Variants in SLC7A14 observed in about 807,000 individuals in gnomAD.
The protein encoded by SLC7A14 is gamma-aminobutyric acid transporter SLC7A14.
A neutral mutation model predicts 60.2 loss-of-function variants in SLC7A14; 37 were observed. The ratio of observed to expected loss-of-function variants is 0.61; its 90% CI spans 0.47 to 0.81. The LOEUF is 0.81. SLC7A14 is among the 30% of genes least tolerant of loss of function. The pLI is 0.00. For missense variants in SLC7A14, 886 were observed against 982.7 expected, an observed-to-expected ratio of 0.90 and a Z score of 1.32; for synonymous variants, 399 against 395.8, an observed-to-expected ratio of 1.01 and a Z score of -0.10.
intron 1 of SLC7A14, among the ~76,000 whole-genome samples, chr3:170,551,106 T>A (rs1714337084): frequency 6.6e-6 from 1 of 152,208 alleles, no homozygotes; most frequent in Non-Finnish European, 1.5e-5. Flanking sequence ...CTTTATGGAT[T>A]TGCCTATGTT....
chr3:170,475,933 G>A lies in SLC7A14; in HGVS notation c.1993+4356C>T, dbSNP rs1270590061. Among the ~76,000 whole-genome samples, 6 of 151,972 alleles carry A rather than the reference G, an allele frequency of 3.9e-5. No individual in the cohort carries two copies. In the East Asian group the frequency reaches 9.6e-4, roughly 24 times the overall value. ...TCACCATGTTGGCCAGGCTGGTCTC[G>A]AATTCCTGACCTCAGGTGATCTGCC... On this transcript the variant is annotated intron_variant, in intron 7 of 7. Transcript: ENST00000231706.
chr3:170,556,856 A>G (rs1714497799), intron 1 of SLC7A14, among the ~76,000 whole-genome samples: 1 of 152,238 alleles, frequency 6.6e-6, no homozygotes, highest in Non-Finnish European at 1.5e-5. Flanking sequence ...TTTCATGTGA[A>G]TTATTTCAAG....
chr3:170,485,405 C>T (rs762906213), intron 5 of SLC7A14, among the ~76,000 whole-genome samples: 2 of 152,182 alleles, frequency 1.3e-5, no homozygotes, highest in African/African-American at 4.8e-5. Context: ...ACTGCCAGCT[C>T]TTTCCTAATT....
intron 7 of SLC7A14, among the ~76,000 whole-genome samples, chr3:170,476,020 C>G (rs1444755636): frequency 6.6e-6 from 1 of 152,164 alleles, no homozygotes; most frequent in Non-Finnish European, 1.5e-5. Flanking sequence ...GCCTCAAAAT[C>G]ACATTTCTAA....
In SLC7A14 at chr3:170,480,797, G is replaced by A. The variant is rs1301447398; in HGVS notation, c.1485C>T (p.Leu495=). Residue 495 remains leucine, a synonymous_variant, in exon 7 of 8, where the codon CTC becomes CTT. Transcript: ENST00000231706. The part of the protein sequence containing the change: ...NLPSLGDNEM[L]IGKSDKSTYN... Reference sequence around the variant, plus strand: ...AGGTTGACTTGTCTGATTTCCCTATGAGCATCTCATTGTCTCCCAAGGATG... The same window carrying A: ...AGGTTGACTTGTCTGATTTCCCTATAAGCATCTCATTGTCTCCCAAGGATG... The A allele has an allele frequency of 1.2e-6, 2 of 1,614,204 alleles. No individual in the cohort carries two copies. The highest frequency in any genetic ancestry group is 2.2e-5 in the South Asian group (2 of 91,082).
chr3:170,542,233 G>A (rs1477770294), intron 1 of SLC7A14, among the ~76,000 whole-genome samples: 2 of 152,194 alleles, frequency 1.3e-5, no homozygotes, highest in African/African-American at 4.8e-5. Flanking sequence ...ATCTGCCCCT[G>A]AAGCAAAGAC....
At chr3:170,501,842 T>G (rs1712618728) in intron 2 of SLC7A14, among the ~76,000 whole-genome samples, 1 of 152,244 alleles carries the variant, frequency 6.6e-6, no homozygotes, top group African/African-American at 2.4e-5. Context: ...CAAATATAAA[T>G]AAATTACTAA....
At chr3:170,539,352 G>T (rs1022836676) in intron 1 of SLC7A14, among the ~76,000 whole-genome samples, 1 of 151,880 alleles carries the variant, frequency 6.6e-6, no homozygotes, top group Admixed American at 6.6e-5. Flanking sequence ...AGGTCCTCCT[G>T]GGCCACCTGA....
In SLC7A14 at chr3:170,469,386, A is replaced by G. The variant is rs564764303; in HGVS notation, c.1994-2009T>C. On this transcript the variant is annotated intron_variant, in intron 7 of 7. Coordinates refer to ENST00000231706, the MANE Select transcript of SLC7A14 (RefSeq NM_020949.3). ...CAGGAGCCAAAGTAAGCACAGATTT[A>G]TAGTCCTAATTGGTAATAAATCCTA... Among the ~76,000 whole-genome samples the G allele has an allele frequency of 3.9e-5, 6 of 152,330 alleles. No homozygotes were observed. In the South Asian group the frequency reaches 1.0e-3, roughly 26 times the overall value.
At chr3:170,499,711 C>T (rs1015627472) in intron 3 of SLC7A14, among the ~76,000 whole-genome samples, 8 of 152,126 alleles carry the variant, frequency 5.3e-5, no homozygotes, top group African/African-American at 1.7e-4. Flanking sequence ...CCAGTGAACA[C>T]GCCCTGCCTG....
intron 2 of SLC7A14, among the ~76,000 whole-genome samples, chr3:170,508,280 G>A: frequency 6.6e-6 from 1 of 152,200 alleles, no homozygotes; most frequent in Non-Finnish European, 1.5e-5. Context: ...AATTATGAGA[G>A]GGAGTGGAGG....
At chr3:170,496,437 G>T (rs1185535841) in intron 4 of SLC7A14, 14 of 1,260,128 alleles carry the variant, frequency 1.1e-5, no homozygotes, top group Non-Finnish European at 1.5e-5. Flanking sequence ...GGCCCCCATC[G>T]CAGATACCGA....
At chr3:170,482,641 G>A (rs901570213) in intron 6 of SLC7A14, among the ~76,000 whole-genome samples, 4 of 152,244 alleles carry the variant, frequency 2.6e-5, no homozygotes, top group African/African-American at 9.6e-5. Flanking sequence ...CAATATATTG[G>A]TGTGGTTAAA....
At chr3:170,475,342 A>C (rs1035008032) in intron 7 of SLC7A14, among the ~76,000 whole-genome samples, 1 of 152,204 alleles carries the variant, frequency 6.6e-6, no homozygotes, top group Admixed American at 6.5e-5. Context: ...AATCATGTAA[A>C]TCTTCAGTTT....
rs571918196 is a variant in SLC7A14 at position 170,474,653 on chromosome 3, C to T, written c.1993+5636G>A. Among the ~76,000 whole-genome samples the T allele has an allele frequency of 2.0e-5, 3 of 152,276 alleles. No individual in the cohort carries two copies. In the East Asian group the frequency reaches 5.8e-4, roughly 29 times the overall value. ...TCCCAATTCATTGCTCTTTCTTTCC[C>T]TCTTCTTCTTTTTCTCACCTGGCTG... On this transcript the variant is annotated intron_variant, in intron 7 of 7. Transcript: ENST00000231706.
chr3:170,467,468 A>AATGGG, intron 7 of SLC7A14, 91 bp from the exon 8 acceptor site: 2 of 235,706 alleles, frequency 8.5e-6, no homozygotes, highest in Non-Finnish European at 1.2e-5. Context: ...ATGAAATCAA[A>AATGGG]GCTGGCGGGG....
chr3:170,552,638 T>C (rs1226171572), intron 1 of SLC7A14, among the ~76,000 whole-genome samples: 1 of 152,186 alleles, frequency 6.6e-6, no homozygotes, highest in Admixed American at 6.5e-5. Context: ...CCCAACTGTT[T>C]TGACAGTCAA....
At chr3:170,551,872 T>C (rs930958127) in intron 1 of SLC7A14, among the ~76,000 whole-genome samples, 26 of 152,244 alleles carry the variant, frequency 1.7e-4, no homozygotes, top group African/African-American at 6.3e-4. Context: ...CTTTTCACTT[T>C]CTTAAAGGTT....
intron 3 of SLC7A14, among the ~76,000 whole-genome samples, chr3:170,499,185 C>G (rs1042073727): frequency 1.5e-5 from 2 of 137,798 alleles, no homozygotes; most frequent in Admixed American, 1.5e-4. Flanking sequence ...TGCAGTGAGC[C>G]GAGATCACGC....
Sources: gnomAD v4.1 joint callset for allele counts (sites outside exome capture counted in the v4.1 genomes callset) on GRCh38, gnomAD v4.1.1 for gene constraint, MANE v1.5 for transcripts, NCBI Gene and HGNC (gene_info 2026-07-23, HGNC 2026-07-21) for gene names.